RBFOX1: variants seen among roughly 807,000 people sequenced by gnomAD.
RBFOX1 encodes RNA binding protein fox-1 homolog 1.
In RBFOX1, 8 loss-of-function variants were observed where a neutral mutation model predicts 57.7. That is an observed-to-expected ratio of 0.14 (90% CI 0.08 to 0.25). The LOEUF is 0.25. Ranked by LOEUF, RBFOX1 falls within the 10% of genes least tolerant of loss-of-function variation. The probability of loss-of-function intolerance (pLI) is 1.00; values close to 1 mark genes in which losing one functional copy is unlikely to be tolerated. For synonymous variants in RBFOX1, 326 were observed against 222.4 expected, an observed-to-expected ratio of 1.47 and a Z score of -4.15; for missense variants, 611 against 548.5, an observed-to-expected ratio of 1.11 and a Z score of -1.14.
chr16:7,405,297 G>GCC (rs930859373), intron 4 of RBFOX1, among the ~76,000 whole-genome samples: 1 of 152,164 alleles, frequency 6.6e-6, no homozygotes, highest in South Asian at 2.1e-4. Flanking sequence ...TCTCCTGGTA[G>GCC]CCCCCCCGCT....
chr16:5,649,507 C>T (rs1176355162), intron 3 of RBFOX1, among the ~76,000 whole-genome samples: 1 of 152,168 alleles, frequency 6.6e-6, no homozygotes, highest in African/African-American at 2.4e-5. Flanking sequence ...TACCACCCCA[C>T]ATTGGCAGTT....
At chr16:6,804,720 G>C (rs1486458947) in intron 3 of RBFOX1, among the ~76,000 whole-genome samples, 2 of 152,114 alleles carry the variant, frequency 1.3e-5, no homozygotes, top group African/African-American at 4.8e-5. Flanking sequence ...GGCAGAACAG[G>C]GTACTGTTTA....
chr16:7,022,824 T>C (rs2039703811), intron 3 of RBFOX1, among the ~76,000 whole-genome samples: 1 of 152,180 alleles, frequency 6.6e-6, no homozygotes, highest in African/African-American at 2.4e-5. Context: ...TGATTTTATA[T>C]CCAAGGAAGC....
At chr16:6,854,587 A>ATTTTTTTTTTT (rs71147611) in intron 3 of RBFOX1, among the ~76,000 whole-genome samples, 3,483 of 70,578 alleles carry the variant, frequency 0.049, 429 homozygotes, top group East Asian at 0.072. Flanking sequence ...GGAGAGGTGA[A>ATTTTTTTTTTT]TTTTTTTTTT....
At chr16:7,531,184 T>C (rs2079979445) in intron 5 of RBFOX1, among the ~76,000 whole-genome samples, 1 of 152,180 alleles carries the variant, frequency 6.6e-6, no homozygotes, top group Admixed American at 6.5e-5. Flanking sequence ...CCAAACAATA[T>C]GGGCTGCCCT....
Position 6,913,351 on chromosome 16 carries a change from C to G in RBFOX1, c.-15-138706C>G, listed in dbSNP as rs181394965. Among the ~76,000 whole-genome samples the G allele has an allele frequency of 1.6e-4, 25 of 152,166 alleles. 2 individuals are homozygous for G. Among genetic ancestry groups the G allele is most frequent in the African/African-American group, 5.3e-4 (22 of 41,524 alleles). ...TAAGGAGAATGGTCCCATTTTAACC[C>G]CCTTATGAGCGTGTTAGCTCAGGCC... is the stretch of plus-strand genomic sequence containing the variant. On this transcript the variant is annotated intron_variant, in intron 3 of 15. Transcript: ENST00000550418.
At chr16:7,173,528 C>T (rs61623395) in intron 4 of RBFOX1, among the ~76,000 whole-genome samples, 33,137 of 151,690 alleles carry the variant, frequency 0.22, 5,893 homozygotes, top group African/African-American at 0.48. Context: ...TTGTCTCATT[C>T]CTTGCTTACT....
At chr16:7,369,627 T>G (rs1024997132) in intron 4 of RBFOX1, among the ~76,000 whole-genome samples, 1 of 152,172 alleles carries the variant, frequency 6.6e-6, no homozygotes, top group African/African-American at 2.4e-5. Context: ...CTGGAGTCAA[T>G]TGGATTCTAA....
At chr16:7,123,033 C>G (rs757264127) in intron 4 of RBFOX1, among the ~76,000 whole-genome samples, 1 of 150,760 alleles carries the variant, frequency 6.6e-6, no homozygotes, top group Non-Finnish European at 1.5e-5. Flanking sequence ...CAGGGGCTGC[C>G]AGGGATTAGG....
At chr16:5,743,188 C>T (rs971790638) in intron 3 of RBFOX1, among the ~76,000 whole-genome samples, 1 of 152,256 alleles carries the variant, frequency 6.6e-6, no homozygotes, top group East Asian at 1.9e-4. Context: ...TTCTATTTCT[C>T]TTTGTATGTC....
intron 3 of RBFOX1, among the ~76,000 whole-genome samples, chr16:5,637,924 C>A (rs1040888327): frequency 9.9e-5 from 15 of 152,190 alleles, no homozygotes; most frequent in Admixed American, 6.5e-4. Context: ...AAGCACCAAG[C>A]CTTCTTTTGA....
chr16:7,108,801 G>A (rs909781795), intron 4 of RBFOX1, among the ~76,000 whole-genome samples: 1 of 152,134 alleles, frequency 6.6e-6, no homozygotes, highest in Non-Finnish European at 1.5e-5. Context: ...GCTCATGAAG[G>A]CTTGTTTGTT....
At chr16:6,580,666 C>T (rs1567758851) in intron 2 of RBFOX1, among the ~76,000 whole-genome samples, 1 of 152,154 alleles carries the variant, frequency 6.6e-6, no homozygotes, top group Admixed American at 6.6e-5. Context: ...ACAGTAAACT[C>T]AGACATAAAC....
intron 4 of RBFOX1, among the ~76,000 whole-genome samples, chr16:7,120,179 CG>C (rs1262461879): frequency 6.6e-6 from 1 of 151,844 alleles, no homozygotes; most frequent in Non-Finnish European, 1.5e-5. Flanking sequence ...TGGTGGGAAG[CG>C]AAAGCAGTGC....
At chr16:7,514,077 A>G in intron 4 of RBFOX1, among the ~76,000 whole-genome samples, 1 of 152,040 alleles carries the variant, frequency 6.6e-6, no homozygotes, top group East Asian at 1.9e-4. Context: ...ATATCTAATG[A>G]CATTCTGCCA....
chr16:5,919,474 C>G (rs1048216695), intron 4 of RBFOX1, among the ~76,000 whole-genome samples: 1 of 152,226 alleles, frequency 6.6e-6, no homozygotes, highest in Non-Finnish European at 1.5e-5. Context: ...TCCCGAGTAG[C>G]TGGGAGTACA....
intron 4 of RBFOX1, among the ~76,000 whole-genome samples, chr16:5,978,551 A>G (rs2060112079): frequency 6.6e-6 from 1 of 152,112 alleles, no homozygotes; most frequent in Non-Finnish European, 1.5e-5. Flanking sequence ...GTTTCCATTA[A>G]TCACCTGTTT....
intron 2 of RBFOX1, among the ~76,000 whole-genome samples, chr16:6,430,310 A>G (rs2094043529): frequency 6.6e-6 from 1 of 152,250 alleles, no homozygotes; most frequent in East Asian, 1.9e-4. Context: ...GGAGCTCAGA[A>G]TGGATGTGGC....
At chr16:7,164,365 C>A (rs941052222) in intron 4 of RBFOX1, among the ~76,000 whole-genome samples, 1 of 152,134 alleles carries the variant, frequency 6.6e-6, no homozygotes, top group Non-Finnish European at 1.5e-5. Context: ...CACTCATTGG[C>A]TAATGGGCAT....
Sources: gnomAD v4.1 joint callset for allele counts (sites outside exome capture counted in the v4.1 genomes callset) on GRCh38, gnomAD v4.1.1 for gene constraint, MANE v1.5 for transcripts, NCBI Gene and HGNC (gene_info 2026-07-23, HGNC 2026-07-21) for gene names.